The following C2CD3 variants were observed in gnomAD, a reference collection of about 807,000 sequenced individuals.
The protein encoded by C2CD3 is C2 domain containing 3 centriole elongation regulator.
A neutral mutation model predicts 234.0 loss-of-function variants in C2CD3; 148 were observed. The observed-to-expected ratio is 0.63, with a 90% CI of 0.55 to 0.72. The LOEUF (loss-of-function observed/expected upper bound fraction) is 0.72, where lower values mean the gene tolerates loss of function less well. C2CD3 is among the 30% of genes least tolerant of loss of function. C2CD3 has a pLI of 0.00. For missense variants in C2CD3, 2,577 were observed against 2,811.5 expected, an observed-to-expected ratio of 0.92 and a Z score of 1.89; for synonymous variants, 1,000 against 1,035.4, an observed-to-expected ratio of 0.97 and a Z score of 0.66.
intron 3 of C2CD3, among the ~76,000 whole-genome samples, chr11:74,140,281 C>T (rs1958009715): frequency 6.6e-6 from 1 of 152,180 alleles, no homozygotes; most frequent in Admixed American, 6.5e-5. Flanking sequence ...AGACCAATTA[C>T]TTATGGTTCT....
In C2CD3 at chr11:74,013,052, C is replaced by T. The variant is rs1480161790; in HGVS notation, c.*333G>A. On this transcript the variant is annotated 3_prime_UTR_variant, in exon 33 of 33. Coordinates refer to ENST00000334126, the MANE Select transcript of C2CD3 (RefSeq NM_001286577.2). ...CTTCAGGCAGAGGGTGGGCTCATGC[C>T]AGCAGTCAGCTGTGTCAAGGACACT... The T allele has an allele frequency of 5.9e-6, 1 of 169,070 alleles. No homozygotes were observed. The highest frequency in any genetic ancestry group is 1.3e-5 in the Non-Finnish European group (1 of 79,594). The allele number at this position is 169,070 out of a possible 1,614,324, so 10.5% of individuals were successfully genotyped here.
In C2CD3 at chr11:74,057,557, A is replaced by C; in HGVS notation, c.4952-13T>G. 1.2e-6 allele frequency: 2 copies of C among 1,614,064 alleles called. No homozygotes were observed. Among genetic ancestry groups the C allele is most frequent in the Non-Finnish European group, 1.7e-6 (2 of 1,179,948 alleles). ...GTCAAGGGGCTCCCTGAAATAGAAT[A>C]AAGTGCAGTGACTGTACTTTAGGGT... is the stretch of plus-strand genomic sequence containing the variant. On this transcript the variant is annotated splice_polypyrimidine_tract_variant and intron_variant, in intron 24 of 32. Coordinates refer to ENST00000334126, the MANE Select transcript of C2CD3 (RefSeq NM_001286577.2).
intron 24 of C2CD3, among the ~76,000 whole-genome samples, chr11:74,072,364 A>C (rs1020792633): frequency 2.6e-5 from 4 of 152,222 alleles, no homozygotes; most frequent in African/African-American, 9.6e-5. Flanking sequence ...AATAATAGTT[A>C]CTATGAGCAC....
chr11:74,138,622 T>A (rs2135543422), intron 5 of C2CD3, 98 bp downstream of exon 5: 1 of 955,034 alleles, frequency 1.0e-6, no homozygotes, highest in East Asian at 2.4e-5. Context: ...TTGACTTAGT[T>A]CAAACAAGAG....
At chr11:74,078,954 T>C (rs1244563238) in intron 22 of C2CD3, among the ~76,000 whole-genome samples, 1 of 152,184 alleles carries the variant, frequency 6.6e-6, no homozygotes, top group Non-Finnish European at 1.5e-5. Flanking sequence ...CTAGAACTAG[T>C]GGTTTATTAT....
intron 3 of C2CD3, among the ~76,000 whole-genome samples, chr11:74,153,712 G>A (rs1855830529): frequency 6.6e-6 from 1 of 152,134 alleles, no homozygotes; most frequent in Non-Finnish European, 1.5e-5. Context: ...ATAAGGAAAT[G>A]TGAAGAACTT....
chr11:74,033,080 G>C (rs1459092247), intron 31 of C2CD3, among the ~76,000 whole-genome samples: 1 of 152,110 alleles, frequency 6.6e-6, no homozygotes, highest in Non-Finnish European at 1.5e-5. Context: ...TTGCCTTCAG[G>C]TGGTAAAATA....
chr11:74,077,331 A>C (rs1372760964), intron 23 of C2CD3, among the ~76,000 whole-genome samples: 1 of 152,120 alleles, frequency 6.6e-6, no homozygotes, highest in African/African-American at 2.4e-5. Context: ...AAATCCGATG[A>C]GTTTGGATGC....
chr11:74,084,186 C>T (rs1209239629), intron 22 of C2CD3, among the ~76,000 whole-genome samples: 1 of 152,036 alleles, frequency 6.6e-6, no homozygotes, highest in African/African-American at 2.4e-5. Flanking sequence ...AGCAAACTAT[C>T]ACAAGGACAG....
At chr11:74,086,509 A>G (rs1241500864) in intron 20 of C2CD3, among the ~76,000 whole-genome samples, 1 of 152,182 alleles carries the variant, frequency 6.6e-6, no homozygotes, top group Admixed American at 6.5e-5. Context: ...ATGATGATGG[A>G]GCTGTCTTGT....
chr11:74,090,742 A>G (rs1010064044), intron 20 of C2CD3, 71 bp downstream of exon 20: 5 of 1,555,264 alleles, frequency 3.2e-6, no homozygotes, highest in Non-Finnish European at 3.5e-6. Context: ...AAAGTTTTGC[A>G]TATCTGAGCA....
Position 74,033,514 on chromosome 11 carries a change from T to G in C2CD3, c.6646A>C (p.Ser2216Arg), listed in dbSNP as rs1199108847. 4 of 1,536,098 alleles carry G rather than the reference T, an allele frequency of 2.6e-6. No homozygotes were observed. In the African/African-American group the frequency reaches 4.1e-5, roughly 16 times the overall value. The stretch of plus-strand genomic sequence containing the variant: ...CTATCAGCAGAGTCACCGAGCTCAC[T>G]GGTGGCAGCTTCATTCTCAGCTGGG... Reference protein sequence around the residue: ...EAPAENEAATSELGDSADSFK... With the variant: ...EAPAENEAATRELGDSADSFK... Residue 2216 changes from serine (S) to arginine (R), a missense_variant, in exon 31 of 33, where the codon AGT (serine) becomes CGT (arginine). By Grantham distance (110) the Ser-to-Arg change is moderately radical (BLOSUM62 -1). Coordinates refer to ENST00000334126, the MANE Select transcript of C2CD3 (RefSeq NM_001286577.2).
intron 3 of C2CD3, among the ~76,000 whole-genome samples, chr11:74,145,804 T>C (rs1007640972): frequency 2.0e-5 from 3 of 152,142 alleles, no homozygotes; most frequent in African/African-American, 7.2e-5. Flanking sequence ...GAATAGGAAG[T>C]CCTTTCCCCC....
intron 20 of C2CD3, 31 bp from the exon 21 acceptor site, chr11:74,085,917 T>C (rs376315877): frequency 3.2e-6 from 5 of 1,574,332 alleles, no homozygotes; most frequent in Non-Finnish European, 4.3e-6. Context: ...AATGAGAAGA[T>C]ACCATGGTAA....
rs73555986 is a variant in C2CD3 at position 74,037,208 on chromosome 11, C to T, written c.5881+270G>A. 0.1 allele frequency among the ~76,000 whole-genome samples: 15,577 copies of T among 152,118 alleles called. 2,072 individuals are homozygous for T. Among genetic ancestry groups the T allele is most frequent in the African/African-American group, 0.31 (13,032 of 41,434 alleles). On this transcript the variant is annotated intron_variant, in intron 30 of 32. Coordinates refer to ENST00000334126, the MANE Select transcript of C2CD3 (RefSeq NM_001286577.2). ...CTGAAGTCTAAGAAGGGAAAGGACA[C>T]GTTCAGAGTCAGACTCTAAGTCTGT...
At chr11:74,079,437 G>C (rs142190490) in intron 22 of C2CD3, among the ~76,000 whole-genome samples, 313 of 151,862 alleles carry the variant, frequency 2.1e-3, no homozygotes, top group African/African-American at 6.9e-3. Flanking sequence ...GTGATACCCA[G>C]GCTGGTCTTG....
intron 24 of C2CD3, among the ~76,000 whole-genome samples, chr11:74,061,799 T>A (rs1293366943): frequency 6.6e-6 from 1 of 152,208 alleles, no homozygotes; most frequent in Non-Finnish European, 1.5e-5. Flanking sequence ...GTAAATGGGC[T>A]AAATGCTCCA....
chr11:74,165,961 G>A (rs1856777125), intron 2 of C2CD3, among the ~76,000 whole-genome samples: 1 of 151,934 alleles, frequency 6.6e-6, no homozygotes, highest in Non-Finnish European at 1.5e-5. Flanking sequence ...CCAAAGTATT[G>A]GGATTACAGG....
intron 23 of C2CD3, among the ~76,000 whole-genome samples, chr11:74,076,161 A>C (rs994535243): frequency 1.3e-5 from 2 of 152,038 alleles, no homozygotes; most frequent in African/African-American, 4.8e-5. Flanking sequence ...CTTTGAAGGG[A>C]CTCTAGGCCT....
Sources: gnomAD v4.1 joint callset for allele counts (sites outside exome capture counted in the v4.1 genomes callset) on GRCh38, gnomAD v4.1.1 for gene constraint, MANE v1.5 for transcripts, NCBI Gene and HGNC (gene_info 2026-07-23, HGNC 2026-07-21) for gene names.